NPAS3: variants seen among roughly 807,000 people sequenced by gnomAD.
NPAS3 encodes the protein neuronal PAS domain protein 3.
A neutral mutation model predicts 73.1 loss-of-function variants in NPAS3; 14 were observed. The ratio of observed to expected loss-of-function variants is 0.19; its 90% CI spans 0.13 to 0.30. The LOEUF (loss-of-function observed/expected upper bound fraction) is 0.30. NPAS3 is among the 10% of genes least tolerant of loss of function. The pLI is 1.00. For missense variants in NPAS3, 1,096 were observed against 1,250.0 expected, an observed-to-expected ratio of 0.88 and a Z score of 1.86; for synonymous variants, 620 against 541.5, an observed-to-expected ratio of 1.14 and a Z score of -2.01.
chr14:33,444,292 T>G (rs2049386562), intron 4 of NPAS3, among the ~76,000 whole-genome samples: 1 of 152,184 alleles, frequency 6.6e-6, no homozygotes, highest in African/African-American at 2.4e-5. Context: ...TCCATGTTCC[T>G]TCCTCTTTTT....
Position 32,945,794 on chromosome 14 carries a change from C to T in NPAS3, c.50+6428C>T, listed in dbSNP as rs117769294. 3.7e-4 allele frequency among the ~76,000 whole-genome samples: 57 copies of T among 152,296 alleles called. No homozygotes were observed. The East Asian group carries it at 0.01, about 28-fold the overall frequency. On this transcript the variant is annotated intron_variant, in intron 1 of 11. Transcript: ENST00000356141. ...GAGAAAGAATCAATATTGAAAGCAT[C>T]GTTACCTCACCCTTTACTATCCCAG... is the stretch of plus-strand genomic sequence containing the variant.
chr14:33,508,985 G>A (rs547850273), intron 4 of NPAS3, among the ~76,000 whole-genome samples: 2 of 152,008 alleles, frequency 1.3e-5, no homozygotes, highest in Admixed American at 6.6e-5. Context: ...GTTTCAGAGG[G>A]TGGTGGCCTG....
chr14:33,743,749 G>C (rs2061711899), intron 7 of NPAS3, among the ~76,000 whole-genome samples: 1 of 152,184 alleles, frequency 6.6e-6, no homozygotes, highest in Non-Finnish European at 1.5e-5. Flanking sequence ...GTTTAATGTA[G>C]TTACCTTCAT....
intron 6 of NPAS3, among the ~76,000 whole-genome samples, chr14:33,708,479 T>C (rs540655888): frequency 6.6e-6 from 1 of 152,258 alleles, no homozygotes; most frequent in East Asian, 1.9e-4. Context: ...TAAAAACTAG[T>C]TAAGAGATGG....
chr14:33,000,863 G>A (rs562017272), intron 1 of NPAS3, among the ~76,000 whole-genome samples: 4 of 152,176 alleles, frequency 2.6e-5, no homozygotes, highest in Non-Finnish European at 5.9e-5. Context: ...GGAAGGACAA[G>A]GATTAGTGTG....
In NPAS3 at chr14:33,557,845, C is replaced by T. The variant is rs554824601; in HGVS notation, c.469-2276C>T. 2.1e-3 allele frequency among the ~76,000 whole-genome samples: 324 copies of T among 152,140 alleles called. 1 individual carries two copies. Among genetic ancestry groups the T allele is most frequent in the African/African-American group, 7.2e-3 (298 of 41,510 alleles). On this transcript the variant is annotated intron_variant, in intron 4 of 11. Coordinates refer to ENST00000356141, the Ensembl canonical transcript of NPAS3. ...TTAGCCAGGCGTGGTGGCGGGTGCC[C>T]GTAGTCCCAGCTACTTGGGAGGCTG...
At chr14:33,440,543 A>G (rs554804969) in intron 4 of NPAS3, among the ~76,000 whole-genome samples, 4 of 152,200 alleles carry the variant, frequency 2.6e-5, no homozygotes, top group African/African-American at 9.6e-5. Context: ...ACTTTTTATC[A>G]TTACAGAAAA....
chr14:32,938,735 G>A (rs1337789978), upstream of NPAS3, among the ~76,000 whole-genome samples: 1 of 150,484 alleles, frequency 6.6e-6, no homozygotes, highest in Non-Finnish European at 1.5e-5. Context: ...AAGGGGTGAC[G>A]GGGGACGGGG....
At chr14:33,792,835 G>A (rs894390350) in intron 9 of NPAS3, among the ~76,000 whole-genome samples, 1 of 152,198 alleles carries the variant, frequency 6.6e-6, no homozygotes, top group African/African-American at 2.4e-5. Context: ...TGCCAAAAGT[G>A]GGCGACGTAG....
intron 1 of NPAS3, among the ~76,000 whole-genome samples, chr14:32,994,006 C>CTTA (rs2139499761): frequency 6.6e-6 from 1 of 152,148 alleles, no homozygotes; most frequent in East Asian, 1.9e-4. Context: ...ATTTTTAAGT[C>CTTA]AAATTAATTA....
At chr14:32,979,038 G>A (rs947289936) in intron 1 of NPAS3, among the ~76,000 whole-genome samples, 1 of 152,152 alleles carries the variant, frequency 6.6e-6, no homozygotes, top group Non-Finnish European at 1.5e-5. Context: ...CAACCATTGT[G>A]AGCCTCAGTT....
intron 3 of NPAS3, among the ~76,000 whole-genome samples, chr14:33,357,413 C>T (rs1027047475): frequency 1.3e-5 from 2 of 152,136 alleles, no homozygotes; most frequent in African/African-American, 4.8e-5. Flanking sequence ...GGTGTGAGGC[C>T]CTGATTGCAG....
chr14:33,599,734 C>T (rs573461539), intron 5 of NPAS3, among the ~76,000 whole-genome samples: 1 of 152,256 alleles, frequency 6.6e-6, no homozygotes, highest in African/African-American at 2.4e-5. Context: ...GGAGCTCATT[C>T]AGGAGATCTT....
chr14:33,733,821 T>A (rs1249379418), intron 6 of NPAS3, among the ~76,000 whole-genome samples: 2 of 152,016 alleles, frequency 1.3e-5, no homozygotes, highest in African/African-American at 4.8e-5. Flanking sequence ...AAAGGGACAC[T>A]TGTCAGTGAT....
chr14:33,533,307 A>G (rs372795035), intron 4 of NPAS3, among the ~76,000 whole-genome samples: 24 of 152,320 alleles, frequency 1.6e-4, no homozygotes, highest in African/African-American at 5.3e-4. Context: ...AAATTCAACA[A>G]GAAGACAAAC....
At chr14:33,796,115 G>A (rs2138652561) in intron 10 of NPAS3, among the ~76,000 whole-genome samples, 1 of 152,088 alleles carries the variant, frequency 6.6e-6, no homozygotes, top group African/African-American at 2.4e-5. Flanking sequence ...TGTGGCCCTG[G>A]CAATATAGCA....
chr14:33,086,786 T>A (rs1198663658), intron 2 of NPAS3, among the ~76,000 whole-genome samples: 5 of 152,192 alleles, frequency 3.3e-5, no homozygotes, highest in Non-Finnish European at 7.4e-5. Context: ...CCTATTAGTA[T>A]GGCCTAGTGA....
intron 4 of NPAS3, among the ~76,000 whole-genome samples, chr14:33,491,285 A>G (rs1389324513): frequency 6.6e-6 from 1 of 152,058 alleles, no homozygotes; most frequent in African/African-American, 2.4e-5. Context: ...TATGGAGAAG[A>G]GAAATAACTG....
chr14:33,565,628 A>G (rs934769940), intron 5 of NPAS3, among the ~76,000 whole-genome samples: 1 of 152,214 alleles, frequency 6.6e-6, no homozygotes, highest in Non-Finnish European at 1.5e-5. Context: ...GGTTGAAAAA[A>G]AAAAGAAGAC....
Sources: allele counts gnomAD v4.1 joint callset (sites outside exome capture counted in the v4.1 genomes callset), GRCh38; gene constraint gnomAD v4.1.1; transcripts MANE v1.5; gene names NCBI Gene and HGNC (gene_info 2026-07-23, HGNC 2026-07-21).